The following TNFAIP8L3 variants were observed in gnomAD, a reference collection of about 807,000 sequenced individuals.
The protein encoded by TNFAIP8L3 is TNF alpha induced protein 8 like 3.
Under a neutral mutation model 11.8 loss-of-function variants are expected in TNFAIP8L3, and 7 were observed. The ratio of observed to expected loss-of-function variants is 0.59; its 90% CI spans 0.34 to 1.11. TNFAIP8L3 has a LOEUF of 1.11. Ranked by LOEUF, TNFAIP8L3 falls within the 50% of genes most tolerant of loss-of-function variation. The pLI is 0.03. For synonymous variants in TNFAIP8L3, 98 were observed against 103.8 expected, an observed-to-expected ratio of 0.94 and a Z score of 0.34; for missense variants, 219 against 258.6, an observed-to-expected ratio of 0.85 and a Z score of 1.05.
chr15:51,104,300 C>G (rs1345996192), intron 1 of TNFAIP8L3, among the ~76,000 whole-genome samples: 1 of 152,142 alleles, frequency 6.6e-6, no homozygotes, highest in Non-Finnish European at 1.5e-5. Flanking sequence ...TTGGCTGTCT[C>G]CCCTTATCCA....
intron 1 of TNFAIP8L3, among the ~76,000 whole-genome samples, chr15:51,080,797 T>A (rs909266528): frequency 6.6e-6 from 1 of 152,254 alleles, no homozygotes; most frequent in South Asian, 2.1e-4. Flanking sequence ...GGGGCCTCAG[T>A]TGGCTGCCGC....
intron 1 of TNFAIP8L3, among the ~76,000 whole-genome samples, chr15:51,082,345 A>C (rs1170917881): frequency 6.6e-6 from 1 of 152,236 alleles, no homozygotes; most frequent in Non-Finnish European, 1.5e-5. Context: ...TATAAGGTAC[A>C]GTAAAAATGC....
upstream of TNFAIP8L3, among the ~76,000 whole-genome samples, chr15:51,097,760 T>C (rs1253010125): frequency 6.6e-6 from 1 of 152,154 alleles, no homozygotes. Context: ...AAGGAAGTCC[T>C]TAAAATAGTA....
At chr15:51,083,550 G>A (rs557889930) in intron 1 of TNFAIP8L3, among the ~76,000 whole-genome samples, 1 of 152,358 alleles carries the variant, frequency 6.6e-6, no homozygotes, top group Admixed American at 6.5e-5. Flanking sequence ...GCGAGCAGCA[G>A]CGACGCTGAG....
At chr15:51,096,386 G>A (rs1184985147), upstream of TNFAIP8L3, among the ~76,000 whole-genome samples, 1 of 152,136 alleles carries the variant, frequency 6.6e-6, no homozygotes, top group East Asian at 1.9e-4. Context: ...GTGTTATCTT[G>A]GGCAAATGGC....
At chr15:51,070,297 C>T (rs1424743560) in intron 1 of TNFAIP8L3, among the ~76,000 whole-genome samples, 1 of 152,210 alleles carries the variant, frequency 6.6e-6, no homozygotes, top group Admixed American at 6.5e-5. Context: ...CTAAAAACAA[C>T]ATCTACTTAC....
At chr15:51,066,086 A>G (rs2065269394) in intron 1 of TNFAIP8L3, among the ~76,000 whole-genome samples, 2 of 151,616 alleles carry the variant, frequency 1.3e-5, no homozygotes, top group Non-Finnish European at 2.9e-5. Context: ...AAAAAAAAAC[A>G]AAAAATGGAA....
chr15:51,105,030 A>G, exon 1 of TNFAIP8L3: 1 of 1,614,158 alleles, frequency 6.2e-7, no homozygotes, highest in Non-Finnish European at 8.5e-7. Context: ...TCTGAAGATG[A>G]AAAGATAAGG....
At chr15:51,095,593 C>A (rs531253233), upstream of TNFAIP8L3, among the ~76,000 whole-genome samples, 3 of 151,930 alleles carry the variant, frequency 2.0e-5, no homozygotes, top group Admixed American at 2.0e-4. Flanking sequence ...AAAAGCTTTT[C>A]TTTGTTGATG....
intron 1 of TNFAIP8L3, among the ~76,000 whole-genome samples, chr15:51,087,209 C>T (rs2065435439): frequency 6.6e-6 from 1 of 152,212 alleles, no homozygotes. Flanking sequence ...CTGTAACCCC[C>T]AATCCCAGCC....
At position 51,104,042 on chromosome 15, in the gene TNFAIP8L3, C is replaced by T. The variant is rs143349983; in HGVS notation, c.172+963G>A. On this transcript the variant is annotated intron_variant, in intron 1 of 2. Transcript: ENST00000327536. Reference sequence around the variant, plus strand: ...AGTGCAACCATTCTCACCTCAATCACGTCTTTCCAACAATCACATCTCCAT... The same window carrying T: ...AGTGCAACCATTCTCACCTCAATCATGTCTTTCCAACAATCACATCTCCAT... Among the ~76,000 whole-genome samples the T allele has an allele frequency of 1.9e-3, 296 of 152,302 alleles. 6 individuals are homozygous for T. Among genetic ancestry groups the T allele is most frequent in the South Asian group, 0.019 (93 of 4,820 alleles).
At chr15:51,085,325 C>G (rs548810620) in intron 1 of TNFAIP8L3, among the ~76,000 whole-genome samples, 25 of 152,316 alleles carry the variant, frequency 1.6e-4, no homozygotes, top group African/African-American at 5.8e-4. Context: ...ATCTGTAAAA[C>G]CTACCAAATG....
intron 1 of TNFAIP8L3, among the ~76,000 whole-genome samples, chr15:51,059,507 T>A (rs2065229065): frequency 6.6e-6 from 1 of 152,156 alleles, no homozygotes; most frequent in Non-Finnish European, 1.5e-5. Flanking sequence ...GGAGCTGACA[T>A]CTGAAATGAA....
chr15:51,098,442 GA>G (rs2065528393), upstream of TNFAIP8L3, among the ~76,000 whole-genome samples: 1 of 152,182 alleles, frequency 6.6e-6, no homozygotes, highest in African/African-American at 2.4e-5. Flanking sequence ...TGGTCCCAAG[GA>G]AGCTTCTACC....
chr15:51,100,438 T>C (rs2065542454), intron 1 of TNFAIP8L3, among the ~76,000 whole-genome samples: 1 of 152,160 alleles, frequency 6.6e-6, no homozygotes, highest in Non-Finnish European at 1.5e-5. Flanking sequence ...GAGAAAGAAT[T>C]TGATGCTTGT....
intron 1 of TNFAIP8L3, among the ~76,000 whole-genome samples, chr15:51,061,499 C>A (rs1224927078): frequency 6.6e-6 from 1 of 152,032 alleles, no homozygotes; most frequent in African/African-American, 2.4e-5. Context: ...TTATATAATA[C>A]CCATTATTGT....
chr15:51,077,736 T>C (rs992897765), intron 1 of TNFAIP8L3, among the ~76,000 whole-genome samples: 3 of 152,202 alleles, frequency 2.0e-5, no homozygotes. Flanking sequence ...TCTCGCTTAA[T>C]AATATGCACA....
chr15:51,084,603 C>T (rs577511049), intron 1 of TNFAIP8L3, among the ~76,000 whole-genome samples: 60 of 152,222 alleles, frequency 3.9e-4, no homozygotes, highest in African/African-American at 1.4e-3. Flanking sequence ...TTTCACTGTT[C>T]TATGATTTCA....
chr15:51,096,909 A>AAAG (rs2065517655), upstream of TNFAIP8L3, among the ~76,000 whole-genome samples: 1 of 135,572 alleles, frequency 7.4e-6, no homozygotes, highest in African/African-American at 2.7e-5. Context: ...AAAAAAAAAA[A>AAAG]AAAGAAAGAA....
Sources: allele counts gnomAD v4.1 joint callset (sites outside exome capture counted in the v4.1 genomes callset), GRCh38; gene constraint gnomAD v4.1.1; transcripts MANE v1.5; gene names NCBI Gene and HGNC (gene_info 2026-07-23, HGNC 2026-07-21).